The following IL15 variants were observed in gnomAD, a reference collection of about 807,000 sequenced individuals.
The protein encoded by IL15 is interleukin 15.
A neutral mutation model predicts 19.6 loss-of-function variants in IL15; 11 were observed. That is an observed-to-expected ratio of 0.56 (90% CI 0.35 to 0.93). The LOEUF (loss-of-function observed/expected upper bound fraction) is 0.93. Ranked by LOEUF, IL15 falls within the 40% of genes least tolerant of loss-of-function variation. The pLI, the probability that IL15 is intolerant of heterozygous loss-of-function variation, is 0.01. For missense variants in IL15, 197 were observed against 186.5 expected (o/e 1.06, Z -0.33); for synonymous variants, 58 against 59.6 (o/e 0.97, Z 0.12).
chr4:141,693,824 G>A (rs994493970), intron 2 of IL15, among the ~76,000 whole-genome samples: 4 of 152,206 alleles, frequency 2.6e-5, no homozygotes, highest in Admixed American at 6.5e-5. Flanking sequence ...GGGAGGAGAG[G>A]AAGGAGGTAG....
intron 2 of IL15, among the ~76,000 whole-genome samples, chr4:141,699,576 A>G (rs762343277): frequency 6.6e-6 from 1 of 152,184 alleles, no homozygotes; most frequent in Non-Finnish European, 1.5e-5. Flanking sequence ...TTATCAGTAT[A>G]TAATGTCCTT....
intron 2 of IL15, among the ~76,000 whole-genome samples, chr4:141,666,831 A>G (rs1351836963): frequency 6.6e-6 from 1 of 152,222 alleles, no homozygotes; most frequent in Non-Finnish European, 1.5e-5. Context: ...AGGAAGAAGG[A>G]ATGCTGCACA....
chr4:141,730,533 C>T (rs1730418312), intron 7 of IL15, among the ~76,000 whole-genome samples: 1 of 152,168 alleles, frequency 6.6e-6, no homozygotes, highest in Admixed American at 6.5e-5. Flanking sequence ...AGCCACAACT[C>T]TTACCCGAGC....
intron 2 of IL15, among the ~76,000 whole-genome samples, chr4:141,667,862 G>C (rs965378145): frequency 6.6e-6 from 1 of 152,084 alleles, no homozygotes; most frequent in Non-Finnish European, 1.5e-5. Flanking sequence ...AGATAAATAA[G>C]CATGAACATC....
In IL15 at chr4:141,693,116, G is replaced by GC. The variant is rs559186989; in HGVS notation, c.-99-26248dup. ...CTCACATTTCTACGTGGCTGGGGAG[G>GC]CCTCAGGAAACTTACAATCATGGCA... is the stretch of plus-strand genomic sequence containing the variant. On this transcript the variant is annotated intron_variant, in intron 2 of 7. Coordinates refer to ENST00000320650, the MANE Select transcript of IL15 (RefSeq NM_000585.5). 1.4e-3 allele frequency among the ~76,000 whole-genome samples: 210 copies of GC among 151,328 alleles called. 2 individuals are homozygous for GC. Among genetic ancestry groups the GC allele is most frequent in the African/African-American group, 5.0e-3 (205 of 41,166 alleles).
intron 2 of IL15, among the ~76,000 whole-genome samples, chr4:141,671,293 T>C (rs1728168226): frequency 6.6e-6 from 1 of 152,148 alleles, no homozygotes; most frequent in African/African-American, 2.4e-5. Flanking sequence ...GGGTTATCTA[T>C]GGGGGAAAAT....
intron 1 of IL15, among the ~76,000 whole-genome samples, chr4:141,650,311 A>T (rs1468248462): frequency 1.3e-5 from 2 of 152,100 alleles, no homozygotes; most frequent in Non-Finnish European, 2.9e-5. Context: ...GGTACCAATG[A>T]TGGTGTAGGA....
chr4:141,650,670 A>G (rs1727374523), intron 1 of IL15, among the ~76,000 whole-genome samples: 1 of 152,120 alleles, frequency 6.6e-6, no homozygotes, highest in South Asian at 2.1e-4. Context: ...ATTAGACCAG[A>G]GAAAATCCCT....
At chr4:141,680,232 T>G (rs1360877973) in intron 2 of IL15, among the ~76,000 whole-genome samples, 3 of 152,238 alleles carry the variant, frequency 2.0e-5, no homozygotes, top group Non-Finnish European at 4.4e-5. Flanking sequence ...GAAGCCAATG[T>G]GCTGATTATC....
intron 2 of IL15, among the ~76,000 whole-genome samples, chr4:141,666,225 C>T (rs945020911): frequency 3.7e-4 from 57 of 152,184 alleles, no homozygotes; most frequent in Admixed American, 9.2e-4. Flanking sequence ...CTCAGCCTCC[C>T]GAGTAGCTGG....
intron 2 of IL15, among the ~76,000 whole-genome samples, chr4:141,710,566 A>G (rs970417551): frequency 1.1e-4 from 16 of 151,992 alleles, no homozygotes; most frequent in African/African-American, 3.6e-4. Context: ...AATATAGTTT[A>G]TTTACATCTT....
intron 2 of IL15, among the ~76,000 whole-genome samples, chr4:141,664,042 C>T (rs1341687545): frequency 6.6e-6 from 1 of 152,076 alleles, no homozygotes; most frequent in African/African-American, 2.4e-5. Flanking sequence ...TAACAAAACA[C>T]TAGAGGCATT....
At chr4:141,656,427 T>A (rs1034959225) in intron 2 of IL15, 120 bp downstream of exon 2, 6 of 393,242 alleles carry the variant, frequency 1.5e-5, no homozygotes, top group Admixed American at 4.4e-5. Flanking sequence ...GCTTTTAAAA[T>A]GAGCATCTTG....
Position 141,673,013 on chromosome 4 carries a change from T to C in IL15, c.-100+16706T>C, listed in dbSNP as rs540992045. ...GCCTCCCAGTATCATGTAGCTGCTGTGAGCTTTTCTTTCTTCCTCACTAGA... is the reference window on the plus strand; with the variant it reads ...GCCTCCCAGTATCATGTAGCTGCTGCGAGCTTTTCTTTCTTCCTCACTAGA... On this transcript the variant is annotated intron_variant, in intron 2 of 7. Coordinates refer to ENST00000320650, the MANE Select transcript of IL15 (RefSeq NM_000585.5). 2.2e-4 allele frequency among the ~76,000 whole-genome samples: 33 copies of C among 152,326 alleles called. No homozygotes were observed. The South Asian group carries it at 4.8e-3, about 22-fold the overall frequency.
At chr4:141,648,096 T>C (rs1404988362) in intron 1 of IL15, among the ~76,000 whole-genome samples, 1 of 152,038 alleles carries the variant, frequency 6.6e-6, no homozygotes, top group Non-Finnish European at 1.5e-5. Context: ...TAGATCAGGT[T>C]CTGAGAAAAG....
intron 2 of IL15, chr4:141,718,215 T>G (rs1433013946): frequency 6.6e-6 from 1 of 152,126 alleles, no homozygotes; most frequent in Non-Finnish European, 1.5e-5. Context: ...AAAAGTAGCT[T>G]CGTAAGGCCT....
At chr4:141,653,223 G>A (rs994873206) in intron 1 of IL15, among the ~76,000 whole-genome samples, 2 of 152,176 alleles carry the variant, frequency 1.3e-5, no homozygotes, top group African/African-American at 4.8e-5. Context: ...TTCAGAAACT[G>A]TGCCATGCTT....
At chr4:141,656,916 T>C (rs1727625184) in intron 2 of IL15, among the ~76,000 whole-genome samples, 1 of 152,154 alleles carries the variant, frequency 6.6e-6, no homozygotes, top group Admixed American at 6.5e-5. Flanking sequence ...TTTAGAAAAA[T>C]GTAAGGTCAA....
chr4:141,695,074 G>A (rs1197643309), intron 2 of IL15, among the ~76,000 whole-genome samples: 1 of 151,982 alleles, frequency 6.6e-6, no homozygotes, highest in Non-Finnish European at 1.5e-5. Flanking sequence ...TAGCCCTGGT[G>A]TGCTTTTTAA....
Sources: allele counts gnomAD v4.1 joint callset (sites outside exome capture counted in the v4.1 genomes callset), GRCh38; gene constraint gnomAD v4.1.1; transcripts MANE v1.5; gene names NCBI Gene and HGNC (gene_info 2026-07-23, HGNC 2026-07-21).